The following RAB3C variants were observed in gnomAD, a reference collection of about 807,000 sequenced individuals.
RAB3C encodes the protein ras-related protein Rab-3C.
A neutral mutation model predicts 26.4 loss-of-function variants in RAB3C; 17 were observed. The ratio of observed to expected loss-of-function variants is 0.64; its 90% CI spans 0.44 to 0.97. The LOEUF (loss-of-function observed/expected upper bound fraction) is 0.97, where lower values mean the gene tolerates loss of function less well. Ranked by LOEUF, RAB3C falls within the 50% of genes least tolerant of loss-of-function variation. The probability of loss-of-function intolerance (pLI) is 0.00; values close to 1 mark genes in which losing one functional copy is unlikely to be tolerated. For synonymous variants in RAB3C, 91 were observed against 95.9 expected, an observed-to-expected ratio of 0.95 and a Z score of 0.30; for missense variants, 242 against 281.9, an observed-to-expected ratio of 0.86 and a Z score of 1.01.
chr5:58,856,088 T>C lies in RAB3C; in HGVS notation c.*4737T>C, dbSNP rs1464394175. The C allele has an allele frequency of 6.6e-6, 1 of 152,092 alleles. No individual in the cohort carries two copies. The highest frequency in any genetic ancestry group is 1.5e-5 in the Non-Finnish European group (1 of 68,020). 9.4% of individuals were successfully genotyped at this position (152,092 alleles called of 1,614,324 possible). A position where few individuals can be genotyped will look rare whatever the true frequency, so the allele number is the denominator to read the frequency against. ...TACAAAGGTATCAGGCAAACACTGA[T>C]ACTTTTTTTTAAGAAGGCAAAATTC... On this transcript the variant is annotated 3_prime_UTR_variant, in exon 5 of 5. Transcript: ENST00000282878.
Position 58,617,764 on chromosome 5 carries a change from G to A in RAB3C, c.146G>A (p.Arg49His), listed in dbSNP as rs1371489376. 7.4e-6 allele frequency: 12 copies of A among 1,613,560 alleles called. No individual in the cohort carries two copies. Among genetic ancestry groups the A allele is most frequent in the East Asian group, 2.2e-5 (1 of 44,884 alleles). The change falls in exon 2 of 5, where the codon CGT (arginine) becomes CAT (histidine). Residue 49 changes from arginine to histidine, a missense_variant. Transcript: ENST00000282878. The stretch of plus-strand genomic sequence containing the variant: ...GTGGGGAAAACATCTTTTCTATTCC[G>A]TTATGCAGATGACTCCTTTACATCT... ...SSVGKTSFLF[R>H]YADDSFTSAF...
chr5:58,811,170 G>A (rs1313762715), intron 3 of RAB3C, among the ~76,000 whole-genome samples: 3 of 152,194 alleles, frequency 2.0e-5, no homozygotes, highest in African/African-American at 7.2e-5. Context: ...TTATTTGATA[G>A]GAGGTCTGAA....
At chr5:58,715,591 T>C (rs1262605411) in intron 2 of RAB3C, among the ~76,000 whole-genome samples, 1 of 152,148 alleles carries the variant, frequency 6.6e-6, no homozygotes, top group South Asian at 2.1e-4. Flanking sequence ...TTTAGTTTTT[T>C]GCACAAGTTA....
intron 2 of RAB3C, among the ~76,000 whole-genome samples, chr5:58,650,160 G>C (rs1747613359): frequency 6.6e-6 from 1 of 152,190 alleles, no homozygotes; most frequent in Admixed American, 6.5e-5. Context: ...CATGTAGCCA[G>C]GGACCTTTTA....
At chr5:58,596,850 A>G (rs1258795480) in intron 1 of RAB3C, among the ~76,000 whole-genome samples, 1 of 87,854 alleles carries the variant, frequency 1.1e-5, no homozygotes, top group African/African-American at 4.6e-5. Context: ...AATATATAAT[A>G]CATAATATAT....
chr5:58,689,981 G>A (rs1748529321), intron 2 of RAB3C, among the ~76,000 whole-genome samples: 2 of 152,078 alleles, frequency 1.3e-5, no homozygotes, highest in Admixed American at 1.3e-4. Context: ...AGTTTATATG[G>A]CTCACTAATT....
At chr5:58,702,182 C>T (rs917570733) in intron 2 of RAB3C, among the ~76,000 whole-genome samples, 11 of 152,274 alleles carry the variant, frequency 7.2e-5, no homozygotes, top group African/African-American at 2.2e-4. Context: ...CAAAATTTGG[C>T]ACTTACTCTT....
intron 3 of RAB3C, among the ~76,000 whole-genome samples, chr5:58,810,777 A>G (rs1271865247): frequency 6.6e-6 from 1 of 152,152 alleles, no homozygotes. Context: ...TTGTATGTTT[A>G]GTAGAGACGG....
intron 2 of RAB3C, among the ~76,000 whole-genome samples, chr5:58,705,661 A>AT (rs1301598127): frequency 6.6e-6 from 1 of 152,020 alleles, no homozygotes; most frequent in Admixed American, 6.6e-5. Flanking sequence ...TGATGCCCAC[A>AT]TTTTTTTATT....
chr5:58,630,516 A>T (rs922458446), intron 2 of RAB3C, among the ~76,000 whole-genome samples: 2 of 152,260 alleles, frequency 1.3e-5, no homozygotes, highest in Non-Finnish European at 2.9e-5. Context: ...AGACAGTACA[A>T]TTAGTGAGAA....
intron 3 of RAB3C, among the ~76,000 whole-genome samples, chr5:58,821,816 A>C (rs1345750781): frequency 1.3e-5 from 2 of 152,222 alleles, no homozygotes; most frequent in East Asian, 3.8e-4. Context: ...AGGAAGGAGA[A>C]ACAGTGATCA....
chr5:58,613,957 C>A (rs1420174028), intron 1 of RAB3C, among the ~76,000 whole-genome samples: 1 of 151,990 alleles, frequency 6.6e-6, no homozygotes, highest in Non-Finnish European at 1.5e-5. Flanking sequence ...TTCTTCACAG[C>A]ATAGTAAACA....
chr5:58,597,715 G>A (rs375081428), intron 1 of RAB3C, among the ~76,000 whole-genome samples: 1,673 of 50,032 alleles, frequency 0.033, 111 homozygotes, highest in Middle Eastern at 0.17. Context: ...ATATAATATA[G>A]TACATTATAT....
At chr5:58,723,696 G>C (rs1253332907) in intron 2 of RAB3C, among the ~76,000 whole-genome samples, 1 of 151,774 alleles carries the variant, frequency 6.6e-6, no homozygotes, top group Non-Finnish European at 1.5e-5. Flanking sequence ...ATTTCATTTT[G>C]ATGGTAAAGG....
chr5:58,726,588 C>T (rs1010514156), intron 3 of RAB3C, among the ~76,000 whole-genome samples: 1 of 151,844 alleles, frequency 6.6e-6, no homozygotes, highest in Non-Finnish European at 1.5e-5. Context: ...GTAGTTGCAA[C>T]AGAAACCATA....
At chr5:58,687,451 G>A (rs1369835311) in intron 2 of RAB3C, among the ~76,000 whole-genome samples, 2 of 152,020 alleles carry the variant, frequency 1.3e-5, no homozygotes, top group Admixed American at 1.3e-4. Flanking sequence ...GTAACTAATT[G>A]TGGACTAAAA....
At chr5:58,657,043 A>G (rs1285927587) in intron 2 of RAB3C, among the ~76,000 whole-genome samples, 8 of 152,236 alleles carry the variant, frequency 5.3e-5, no homozygotes, top group African/African-American at 1.9e-4. Context: ...AAGATGGAAT[A>G]CTGCTCAGCC....
chr5:58,607,056 G>T (rs158962), intron 1 of RAB3C, among the ~76,000 whole-genome samples: 41,262 of 152,072 alleles, frequency 0.27, 6,093 homozygotes, highest in East Asian at 0.58. Context: ...GCTGGATGGA[G>T]AATGACTGAC....
chr5:58,597,022 TATA>T (rs1308406142), intron 1 of RAB3C, among the ~76,000 whole-genome samples: 5 of 95,952 alleles, frequency 5.2e-5, no homozygotes, highest in Non-Finnish European at 8.8e-5. Context: ...TATATAATAA[TATA>T]ATACATAATA....
Sources: gnomAD v4.1 joint callset for allele counts (sites outside exome capture counted in the v4.1 genomes callset) on GRCh38, gnomAD v4.1.1 for gene constraint, MANE v1.5 for transcripts, NCBI Gene and HGNC (gene_info 2026-07-23, HGNC 2026-07-21) for gene names.